CFAP95: variants seen among roughly 807,000 people sequenced by gnomAD.
CFAP95 encodes the protein cilia- and flagella-associated protein 95.
the CFAP95 span, among the ~76,000 whole-genome samples, chr9:69,848,059 G>T: frequency 6.6e-6 from 1 of 152,180 alleles, no homozygotes; most frequent in African/African-American, 2.4e-5. Context: ...AGAGGAGTTT[G>T]ATAGTACAGA....
At chr9:69,892,818 G>T in the CFAP95 span, among the ~76,000 whole-genome samples, 1 of 152,278 alleles carries the variant, frequency 6.6e-6, no homozygotes, top group Non-Finnish European at 1.5e-5. Context: ...GGACCTCAAA[G>T]AAGACTTCAG....
the CFAP95 span, among the ~76,000 whole-genome samples, chr9:69,876,494 C>T: frequency 6.6e-6 from 1 of 151,684 alleles, no homozygotes; most frequent in Non-Finnish European, 1.5e-5. Flanking sequence ...GATTGTGCCA[C>T]TGCACTCCAG....
the CFAP95 span, among the ~76,000 whole-genome samples, chr9:69,860,220 A>C: frequency 5.3e-5 from 8 of 152,206 alleles, no homozygotes; most frequent in Non-Finnish European, 1.2e-4. Context: ...ACAGTTCTGC[A>C]GGCTGTGCAA....
At chr9:69,837,854 C>T in the CFAP95 span, among the ~76,000 whole-genome samples, 12 of 151,900 alleles carry the variant, frequency 7.9e-5, no homozygotes, top group South Asian at 2.1e-4. Context: ...CTAGGGTTTT[C>T]ATGGTTTTAG....
chr9:69,866,081 C>G, the CFAP95 span, among the ~76,000 whole-genome samples: 181 of 152,292 alleles, frequency 1.2e-3, 1 homozygote, highest in African/African-American at 4.1e-3. Context: ...TGCTGCTTCT[C>G]TCAATAATAG....
At chr9:69,888,690 A>G in the CFAP95 span, among the ~76,000 whole-genome samples, 2 of 152,176 alleles carry the variant, frequency 1.3e-5, no homozygotes, top group Non-Finnish European at 2.9e-5. Flanking sequence ...AGCCTGGCCA[A>G]TGTGGCGAAA....
chr9:69,897,606 C>T, the CFAP95 span, among the ~76,000 whole-genome samples: 1 of 151,868 alleles, frequency 6.6e-6, no homozygotes, highest in East Asian at 1.9e-4. Flanking sequence ...AATAGCCTAC[C>T]AGAAGATTGA....
chr9:69,876,723 C>T, the CFAP95 span, among the ~76,000 whole-genome samples: 1 of 152,106 alleles, frequency 6.6e-6, no homozygotes, highest in Non-Finnish European at 1.5e-5. Context: ...CAACCTCCGC[C>T]TCCTGGGTTC....
the CFAP95 span, among the ~76,000 whole-genome samples, chr9:69,892,229 G>A: frequency 3.9e-5 from 6 of 151,932 alleles, no homozygotes; most frequent in East Asian, 3.9e-4. Context: ...ATGTTCACGG[G>A]CCCCTAAAAG....
chr9:69,828,779 T>C, the CFAP95 span, among the ~76,000 whole-genome samples: 2 of 152,256 alleles, frequency 1.3e-5, no homozygotes, highest in African/African-American at 4.8e-5. Flanking sequence ...TACTTATTAC[T>C]GGATGGTGCA....
the CFAP95 span, among the ~76,000 whole-genome samples, chr9:69,878,823 C>T: frequency 6.6e-6 from 1 of 152,292 alleles, no homozygotes; most frequent in Non-Finnish European, 1.5e-5. Context: ...CACAGTTCTA[C>T]AGGCTTTATA....
the CFAP95 span, among the ~76,000 whole-genome samples, chr9:69,877,735 T>C: frequency 0.81 from 123,532 of 152,146 alleles, 51,119 homozygotes; most frequent in Middle Eastern, 0.93. Context: ...TGGAAGATGA[T>C]GATTTTGTTT....
the CFAP95 span, chr9:69,856,731 T>A: frequency 3.2e-6 from 4 of 1,251,566 alleles, no homozygotes; most frequent in Admixed American, 1.9e-5. Context: ...AGGACTTGTA[T>A]AAGTAGCAAA....
chr9:69,888,473 CAACT>C, the CFAP95 span, among the ~76,000 whole-genome samples: 2 of 152,038 alleles, frequency 1.3e-5, no homozygotes, highest in African/African-American at 2.4e-5. Flanking sequence ...GAAATATAAT[CAACT>C]AACTAGTAAA....
At chr9:69,873,053 G>C in the CFAP95 span, among the ~76,000 whole-genome samples, 40 of 152,152 alleles carry the variant, frequency 2.6e-4, no homozygotes, top group Non-Finnish European at 5.7e-4. Flanking sequence ...GGAATGTGTA[G>C]GTGGCTATGG....
the CFAP95 span, among the ~76,000 whole-genome samples, chr9:69,880,034 A>G: frequency 6.9e-5 from 7 of 102,154 alleles, no homozygotes; most frequent in East Asian, 8.1e-4. Flanking sequence ...AGGTGTATGT[A>G]TTTATAGAAT....
chr9:69,833,499 C>A, the CFAP95 span, among the ~76,000 whole-genome samples: 8 of 152,100 alleles, frequency 5.3e-5, no homozygotes, highest in African/African-American at 1.4e-4. Flanking sequence ...TTGCACCTGG[C>A]CAAAATATAT....
chr9:69,856,888 C>T, the CFAP95 span, among the ~76,000 whole-genome samples: 337 of 151,208 alleles, frequency 2.2e-3, no homozygotes, highest in African/African-American at 7.6e-3. Flanking sequence ...TTATTCTGGG[C>T]CCAGCTAAAA....
At chr9:69,820,835 A>G in the CFAP95 span, 6 of 1,586,514 alleles carry the variant, frequency 3.8e-6, no homozygotes, top group Admixed American at 8.7e-5. Context: ...CGGGCAGGAC[A>G]GGTGCATAGG....
Sources: gnomAD v4.1 joint callset for allele counts (sites outside exome capture counted in the v4.1 genomes callset) on GRCh38, gnomAD v4.1.1 for gene constraint, MANE v1.5 for transcripts, NCBI Gene and HGNC (gene_info 2026-07-23, HGNC 2026-07-21) for gene names.